The following KHDRBS1 variants were observed in gnomAD, a reference collection of about 807,000 sequenced individuals.
The protein encoded by KHDRBS1 is KH domain-containing, RNA-binding, signal transduction-associated protein 1.
A neutral mutation model predicts 48.4 loss-of-function variants in KHDRBS1; 7 were observed. The observed-to-expected ratio is 0.14, with a 90% CI of 0.08 to 0.27. The LOEUF (loss-of-function observed/expected upper bound fraction) is 0.27, where lower values mean the gene tolerates loss of function less well. KHDRBS1 is among the 10% of genes least tolerant of loss of function. KHDRBS1 has a pLI of 1.00. For missense variants in KHDRBS1, 458 were observed against 601.2 expected (o/e 0.76, Z 2.49); for synonymous variants, 241 against 235.8 (o/e 1.02, Z -0.20).
intron 8 of KHDRBS1, 124 bp from the exon 9 acceptor site, chr1:32,042,403 G>T: frequency 1.5e-6 from 1 of 647,060 alleles, no homozygotes. Context: ...GGAACACCAG[G>T]GGAAGTGTCA....
intron 4 of KHDRBS1, among the ~76,000 whole-genome samples, chr1:32,035,151 C>T (rs1027240917): frequency 6.6e-6 from 1 of 152,112 alleles, no homozygotes; most frequent in African/African-American, 2.4e-5. Flanking sequence ...ATGCCCATCT[C>T]CTCTCTTCAT....
At chr1:32,018,366 C>A (rs1360729075) in intron 1 of KHDRBS1, among the ~76,000 whole-genome samples, 1 of 152,114 alleles carries the variant, frequency 6.6e-6, no homozygotes, top group African/African-American at 2.4e-5. Flanking sequence ...GAGGCTAAGG[C>A]AGGAAGATCA....
Position 32,039,563 on chromosome 1 carries a change from T to G in KHDRBS1, c.1224T>G (p.Tyr408Ter), listed in dbSNP as rs1381218474. The G allele has an allele frequency of 6.6e-7, 1 of 1,505,038 alleles. No individual in the cohort carries two copies. The highest frequency in any genetic ancestry group is 9.3e-7 in the Non-Finnish European group (1 of 1,080,716). 93.2% of individuals were successfully genotyped at this position (1,505,038 alleles called of 1,614,324 possible). Residue 408 changes from tyrosine (Y) to a stop codon, truncating the protein, a stop_gained, in exon 8 of 9, where the codon TAT (tyrosine) becomes TAG (stop). Transcript: ENST00000327300. LOFTEE classifies it high-confidence loss of function. ...GACATGGGGAGGTTCAAGATTCTTA[T>G]GAAGCTTATGGTATGTCTTTATCTC... ...DYGHGEVQDS[Y>*]EAYGQDDWNG...
chr1:32,053,028 C>T (rs942587870), intron 10 of KHDRBS1, among the ~76,000 whole-genome samples: 1 of 152,066 alleles, frequency 6.6e-6, no homozygotes, highest in Non-Finnish European at 1.5e-5. Flanking sequence ...TGGTGCACGC[C>T]TGTAGTCCCA....
At chr1:32,046,360 C>T (rs1639358448), downstream of KHDRBS1, among the ~76,000 whole-genome samples, 1 of 152,048 alleles carries the variant, frequency 6.6e-6, no homozygotes, top group Non-Finnish European at 1.5e-5. Flanking sequence ...ACTACAGGCA[C>T]CTGCCACCAC....
At chr1:32,023,331 C>G (rs1638898947) in intron 1 of KHDRBS1, among the ~76,000 whole-genome samples, 1 of 152,184 alleles carries the variant, frequency 6.6e-6, no homozygotes, top group African/African-American at 2.4e-5. Context: ...TCTGCTATGT[C>G]ACTAATTAGT....
chr1:32,038,459 C>T, intron 6 of KHDRBS1, 93 bp from the exon 7 acceptor site: 1 of 1,224,464 alleles, frequency 8.2e-7, no homozygotes, highest in Non-Finnish European at 1.2e-6. Flanking sequence ...CCTTTTAATT[C>T]AGAAGCCTAC....
At chr1:32,050,499 TTTTGTTTG>T (rs545581818) in intron 10 of KHDRBS1, among the ~76,000 whole-genome samples, 13 of 151,980 alleles carry the variant, frequency 8.6e-5, no homozygotes, top group South Asian at 4.1e-4. Flanking sequence ...TTTTAGTTCT[TTTTGTTTG>T]TTTGTTTGTT....
chr1:32,060,688 C>T (rs1036022780), exon 11 of KHDRBS1: 3 of 152,192 alleles, frequency 2.0e-5, no homozygotes, highest in African/African-American at 7.2e-5. Context: ...TTAATTTGGG[C>T]AAGTTATTTA....
In KHDRBS1 at chr1:32,038,042, A is replaced by G; in HGVS notation, c.1107+6A>G. On this transcript the variant is annotated splice_donor_region_variant and intron_variant, in intron 6 of 8. Coordinates refer to ENST00000327300, the MANE Select transcript of KHDRBS1 (RefSeq NM_006559.3). ...CAGAAACATATGAAGAATATGTAAGAAATTTGAACAATGTGCCATTTCCCA... is the reference window on the plus strand; with the variant it reads ...CAGAAACATATGAAGAATATGTAAGGAATTTGAACAATGTGCCATTTCCCA... 1.2e-6 allele frequency: 2 copies of G among 1,613,546 alleles called. No individual in the cohort carries two copies. The highest frequency in any genetic ancestry group is 1.7e-6 in the Non-Finnish European group (2 of 1,179,600).
intron 10 of KHDRBS1, among the ~76,000 whole-genome samples, chr1:32,058,629 A>C (rs1639508996): frequency 6.6e-6 from 1 of 152,150 alleles, no homozygotes; most frequent in African/African-American, 2.4e-5. Context: ...GAAACTTGCT[A>C]GTCTAGGCAA....
At chr1:32,050,705 A>G (rs745843385) in intron 10 of KHDRBS1, among the ~76,000 whole-genome samples, 7 of 151,914 alleles carry the variant, frequency 4.6e-5, no homozygotes, top group South Asian at 2.1e-4. Flanking sequence ...AGTAGAGGCA[A>G]GGTTTCACCA....
At chr1:32,053,570 T>C (rs896530214) in intron 10 of KHDRBS1, among the ~76,000 whole-genome samples, 3 of 152,092 alleles carry the variant, frequency 2.0e-5, no homozygotes, top group African/African-American at 7.2e-5. Flanking sequence ...TTATTTTTTA[T>C]AGAAACAAGT....
intron 1 of KHDRBS1, among the ~76,000 whole-genome samples, chr1:32,024,723 A>G (rs1228991946): frequency 2.0e-5 from 3 of 152,118 alleles, no homozygotes; most frequent in Non-Finnish European, 2.9e-5. Flanking sequence ...CTCAGATGTA[A>G]GTAACTCAGT....
intron 1 of KHDRBS1, among the ~76,000 whole-genome samples, chr1:32,026,779 G>A (rs985590314): frequency 1.3e-5 from 2 of 152,078 alleles, no homozygotes; most frequent in Non-Finnish European, 2.9e-5. Flanking sequence ...ATAAAATGAA[G>A]TATCTAATTT....
In KHDRBS1 at chr1:32,037,882, C is replaced by A; in HGVS notation, c.953C>A (p.Pro318Gln). 6.2e-7 allele frequency: 1 copy of A among 1,614,164 alleles called. No homozygotes were observed. ...CGGGGGGCTTTGGTACGTGGTACAC[C>A]AGTAAGGGGAGCCATCACCAGAGGT... ...PPRGALVRGT[P>Q]VRGAITRGAT... The change falls in exon 6 of 9, where the codon CCA becomes CAA. Residue 318 changes from proline (P) to glutamine (Q), a missense_variant. By Grantham distance (76) the Pro-to-Gln change is moderately conservative (BLOSUM62 -1). Around this residue, in one of 3 missense-constraint regions of KHDRBS1, gnomAD observed 171 missense variants for 228.7 expected, o/e 0.75. Coordinates refer to ENST00000327300, the MANE Select transcript of KHDRBS1 (RefSeq NM_006559.3).
chr1:32,026,574 T>C (rs955360847), intron 1 of KHDRBS1, among the ~76,000 whole-genome samples: 4 of 152,160 alleles, frequency 2.6e-5, no homozygotes, highest in African/African-American at 9.7e-5. Flanking sequence ...CACTGGTCTT[T>C]AAGAAATGAA....
chr1:32,040,212 G>A (rs982734213), intron 8 of KHDRBS1, among the ~76,000 whole-genome samples: 19 of 152,026 alleles, frequency 1.2e-4, no homozygotes, highest in African/African-American at 9.7e-5. Flanking sequence ...TCAGGAGTTC[G>A]AGACCAGCCT....
chr1:32,018,818 C>A (rs1358855236), intron 1 of KHDRBS1, among the ~76,000 whole-genome samples: 1 of 151,976 alleles, frequency 6.6e-6, no homozygotes, highest in Non-Finnish European at 1.5e-5. Flanking sequence ...TGCCTGTAAT[C>A]CCAGCACTTT....
Sources: gnomAD v4.1 joint callset for allele counts (sites outside exome capture counted in the v4.1 genomes callset) on GRCh38, gnomAD v4.1.1 for gene constraint, gnomAD v4.1.1 regional missense constraint, MANE v1.5 for transcripts, NCBI Gene and HGNC (gene_info 2026-07-23, HGNC 2026-07-21) for gene names.